The following RPS13 variants were observed in gnomAD, a reference collection of about 807,000 sequenced individuals.
RPS13 encodes ribosomal protein S13.
In RPS13, 1 loss-of-function variant was observed where a neutral mutation model predicts 24.6. The observed-to-expected ratio is 0.04, with a 90% CI of 0.01 to 0.19. The LOEUF (loss-of-function observed/expected upper bound fraction) is 0.19. Among genes scored for constraint, RPS13 ranks in the 10% least tolerant of loss-of-function variants. RPS13 has a pLI of 1.00. For missense variants in RPS13, 88 were observed against 187.4 expected (o/e 0.47, Z 3.10); for synonymous variants, 69 against 65.3 (o/e 1.06, Z -0.27).
chr11:17,075,037 G>A, intron 5 of RPS13, 60 bp downstream of exon 5: 1 of 1,131,756 alleles, frequency 8.8e-7, no homozygotes, highest in Non-Finnish European at 1.3e-6. Flanking sequence ...TTACTACTAG[G>A]ACTTTTACTA....
chr11:17,075,734 T>A, intron 3 of RPS13, 111 bp from the exon 4 acceptor site: 2 of 813,364 alleles, frequency 2.5e-6, no homozygotes, highest in Non-Finnish European at 4.1e-6. Context: ...GATGGGGGTA[T>A]ACTTTTATAC....
At chr11:17,075,053 T>G in intron 5 of RPS13, 44 bp downstream of exon 5, 1 of 1,310,602 alleles carries the variant, frequency 7.6e-7, no homozygotes, top group Non-Finnish European at 1.1e-6. Flanking sequence ...TACTACTGGC[T>G]GACTCCTATT....
In RPS13 at chr11:17,077,177, A is replaced by C. The variant is rs776948195; in HGVS notation, c.142T>G (p.Ser48Ala). 2.1e-5 allele frequency: 34 copies of C among 1,612,134 alleles called. No individual in the cohort carries two copies. Among genetic ancestry groups the C allele is most frequent in the South Asian group, 3.3e-5 (3 of 91,020 alleles). ...AGACACAAACACTCACCGATCTGTG[A>C]AGGAGTAAGGCCCTTCTTGGCCAGT... ...YKLAKKGLTP[S>A]QIGVILRDSH... Residue 48 changes from serine (S) to alanine (A), a missense_variant, in exon 3 of 6, where the codon TCA becomes GCA. Ser to Ala is a moderately conservative substitution (Grantham distance 99). Coordinates refer to ENST00000525634, the MANE Select transcript of RPS13 (RefSeq NM_001017.3).
In RPS13 at chr11:17,077,146, T is replaced by C. The variant is rs1205812260; in HGVS notation, c.151+22A>G. The C allele has an allele frequency of 4.5e-6, 7 of 1,571,850 alleles. No individual in the cohort carries two copies. In the African/African-American group the frequency reaches 8.1e-5, roughly 18 times the overall value. Reference sequence around the variant, plus strand: ...TCACACGAGGACAGGCGAAATAGGCTATGTTAGACACAAACACTCACCGAT... The same window carrying C: ...TCACACGAGGACAGGCGAAATAGGCCATGTTAGACACAAACACTCACCGAT... On this transcript the variant is annotated intron_variant, in intron 3 of 5. Transcript: ENST00000525634.
intron 2 of RPS13, 38 bp downstream of exon 2, chr11:17,077,391 C>A: frequency 6.3e-7 from 1 of 1,598,414 alleles, no homozygotes; most frequent in Non-Finnish European, 8.6e-7. Context: ...ATGCCAACCC[C>A]CTCCCCGGAT....
At position 17,077,543 on chromosome 11, in the gene RPS13, C is replaced by T. The variant is rs1393507205; in HGVS notation, c.24-66G>A. 9 of 1,612,410 alleles carry T rather than the reference C, an allele frequency of 5.6e-6. No homozygotes were observed. The African/African-American group carries it at 1.1e-4, about 19-fold the overall frequency. The stretch of plus-strand genomic sequence containing the variant: ...GCCAGAGCAGCCCAGAACATCATCC[C>T]CTCGGCCCGCTGCCCACACTCCCTG... On this transcript the variant is annotated intron_variant, in intron 1 of 5. Transcript: ENST00000525634.
At position 17,075,633 on chromosome 11, in the gene RPS13, G is replaced by T; in HGVS notation, c.152-10C>A. 1 of 1,585,642 alleles carries T rather than the reference G, an allele frequency of 6.3e-7. No individual in the cohort carries two copies. The highest frequency in any genetic ancestry group is 8.5e-7 in the Non-Finnish European group (1 of 1,169,678). On this transcript the variant is annotated splice_polypyrimidine_tract_variant and intron_variant, in intron 3 of 5. Coordinates refer to ENST00000525634, the MANE Select transcript of RPS13 (RefSeq NM_001017.3). Reference sequence around the variant, plus strand: ...TCTCTCAGGATTACACCTGAAAAGGGAATCACGTTTTAACTTTCAACACGA... The same window carrying T: ...TCTCTCAGGATTACACCTGAAAAGGTAATCACGTTTTAACTTTCAACACGA...
chr11:17,076,647 T>C, intron 3 of RPS13: 1 of 364,420 alleles, frequency 2.7e-6, no homozygotes, highest in Non-Finnish European at 5.3e-6. Flanking sequence ...TTCTAGGCTC[T>C]GGTGATCCTC....
In RPS13 at chr11:17,077,647, C is replaced by T. The variant is rs1848040846; in HGVS notation, c.-6G>A. 6.2e-7 allele frequency: 1 copy of T among 1,612,874 alleles called. No individual in the cohort carries two copies. The highest frequency in any genetic ancestry group is 1.1e-5 in the South Asian group (1 of 91,030). ...GGAGCATGCATGCGACCCATGATGG[C>T]GGCGATCAGGCAACGAAAGGAGAGC... On this transcript the variant is annotated 5_prime_UTR_variant, in exon 1 of 6. Coordinates refer to ENST00000525634, the MANE Select transcript of RPS13 (RefSeq NM_001017.3).
At position 17,075,288 on chromosome 11, in the gene RPS13, A is replaced by G. The variant is rs984517431; in HGVS notation, c.322-91T>C. The G allele has an allele frequency of 1.2e-5, 12 of 1,030,082 alleles. No homozygotes were observed. The Admixed American group carries it at 3.0e-4, about 25-fold the overall frequency. 63.8% of individuals were successfully genotyped at this position (1,030,082 alleles called of 1,614,324 possible). A position where few individuals can be genotyped will look rare whatever the true frequency, so the allele number is the denominator to read the frequency against. On this transcript the variant is annotated intron_variant, in intron 4 of 5. Transcript: ENST00000525634. ...ATAAGAGAATGTAGAGCTACCATGC[A>G]CTTTCTATAATGAAAATCTCTTTGG...
rs567856952 is a variant in RPS13 at position 17,075,088 on chromosome 11, G to C, written c.422+9C>G. The C allele has an allele frequency of 1.2e-4, 192 of 1,567,008 alleles. 3 individuals are homozygous for C. In the South Asian group the frequency reaches 2.1e-3, roughly 17 times the overall value. On this transcript the variant is annotated intron_variant, in intron 5 of 5. Coordinates refer to ENST00000525634, the MANE Select transcript of RPS13 (RefSeq NM_001017.3). Reference sequence around the variant, plus strand: ...TCTTGATAACAACGACAAAAGAGTTGATACTTACTATTTCCAATTGGGAGG... The same window carrying C: ...TCTTGATAACAACGACAAAAGAGTTCATACTTACTATTTCCAATTGGGAGG...
chr11:17,075,234 C>T, intron 4 of RPS13, 37 bp from the exon 5 acceptor site: 1 of 1,386,596 alleles, frequency 7.2e-7, no homozygotes, highest in East Asian at 2.3e-5. Flanking sequence ...AGAAAACCAC[C>T]CAAAATGACC....
At chr11:17,077,582 C>CGGGGGG in intron 1 of RPS13, 37 bp downstream of exon 1, 1 of 568,210 alleles carries the variant, frequency 1.8e-6, no homozygotes, top group Non-Finnish European at 3.4e-6. Context: ...TCCTCCCACC[C>CGGGGGG]CCCGCCCAGC....
chr11:17,075,355 A>AT, intron 4 of RPS13, 99 bp downstream of exon 4: 1 of 1,086,534 alleles, frequency 9.2e-7, no homozygotes, highest in Non-Finnish European at 1.3e-6. Flanking sequence ...TGGTTTGTGT[A>AT]CTAAGCCTTG....
chr11:17,076,558 A>C (rs761939041), intron 3 of RPS13: 8 of 365,062 alleles, frequency 2.2e-5, no homozygotes, highest in South Asian at 1.7e-4. Flanking sequence ...CTGTCTCAAA[A>C]AAAAAAAAAA....
chr11:17,075,399 A>G (rs1489840403), intron 4 of RPS13, 55 bp downstream of exon 4: 3 of 1,397,176 alleles, frequency 2.1e-6, no homozygotes, highest in East Asian at 2.3e-5. Flanking sequence ...CATTTTACCG[A>G]AAAAATTTAG....
chr11:17,075,792 C>T, intron 3 of RPS13, 169 bp from the exon 4 acceptor site: 1 of 699,576 alleles, frequency 1.4e-6, no homozygotes, highest in East Asian at 2.7e-5. Context: ...CTCAGACATC[C>T]AAGGAAGGTT....
chr11:17,077,658 C>T lies in RPS13; in HGVS notation c.-17G>A. The T allele has an allele frequency of 1.2e-6, 2 of 1,613,564 alleles. No homozygotes were observed. The highest frequency in any genetic ancestry group is 2.2e-5 in the East Asian group (1 of 44,860). ...GCGACCCATGATGGCGGCGATCAGG[C>T]AACGAAAGGAGAGCGAGAGTGGAAA... is the stretch of plus-strand genomic sequence containing the variant. On this transcript the variant is annotated 5_prime_UTR_variant, in exon 1 of 6. Coordinates refer to ENST00000525634, the MANE Select transcript of RPS13 (RefSeq NM_001017.3).
intron 3 of RPS13, 47 bp from the exon 4 acceptor site, chr11:17,075,670 G>A (rs1848014496): frequency 6.9e-7 from 1 of 1,447,838 alleles, no homozygotes. Flanking sequence ...ACACAAACTG[G>A]AGAATGTGAT....
Sources: gnomAD v4.1 joint callset for allele counts on GRCh38, gnomAD v4.1.1 for gene constraint, MANE v1.5 for transcripts, NCBI Gene and HGNC (gene_info 2026-07-23, HGNC 2026-07-21) for gene names.